LARGE1: variants seen among roughly 807,000 people sequenced by gnomAD.
LARGE1 encodes LARGE xylosyl- and glucuronyltransferase 1.
Under a neutral mutation model 87.6 loss-of-function variants are expected in LARGE1, and 43 were observed. The observed-to-expected ratio is 0.49, with a 90% CI of 0.38 to 0.63. The LOEUF is 0.63. LARGE1 is among the 30% of genes least tolerant of loss of function. The pLI is 0.00. For synonymous variants in LARGE1, 434 were observed against 394.6 expected, an observed-to-expected ratio of 1.10 and a Z score of -1.18; for missense variants, 802 against 1,000.2, an observed-to-expected ratio of 0.80 and a Z score of 2.67.
intron 6 of LARGE1, among the ~76,000 whole-genome samples, chr22:33,543,378 GA>G (rs2077266496): frequency 6.6e-6 from 1 of 152,274 alleles, no homozygotes; most frequent in Non-Finnish European, 1.5e-5. Context: ...ATAGGCTGCA[GA>G]TACCACCTTT....
At chr22:33,840,722 GCACAGTGGCGTGA>G (rs1444073751) in intron 1 of LARGE1, among the ~76,000 whole-genome samples, 11 of 151,884 alleles carry the variant, frequency 7.2e-5, no homozygotes, top group Admixed American at 7.2e-4. Flanking sequence ...CCAGGCTGGA[GCACAGTGGCGTGA>G]TCACGGCTCA....
chr22:33,257,908 A>G (rs1207127200), intron 11 of LARGE1, among the ~76,000 whole-genome samples: 5 of 152,198 alleles, frequency 3.3e-5, no homozygotes, highest in African/African-American at 1.2e-4. Flanking sequence ...GTAGTCATCA[A>G]ACAAATCACT....
intron 7 of LARGE1, among the ~76,000 whole-genome samples, chr22:33,399,618 G>A (rs560550244): frequency 2.6e-5 from 4 of 152,096 alleles, no homozygotes; most frequent in East Asian, 3.9e-4. Flanking sequence ...GTGCGATCTC[G>A]GCTCACTGCA....
chr22:33,215,351 T>C (rs1925153341), intron 11 of LARGE1, among the ~76,000 whole-genome samples: 1 of 152,320 alleles, frequency 6.6e-6, no homozygotes, highest in South Asian at 2.1e-4. Flanking sequence ...AGCATCACTT[T>C]ATGTTTATAG....
chr22:33,104,372 T>C, the LARGE1 span, among the ~76,000 whole-genome samples: 1 of 152,196 alleles, frequency 6.6e-6, no homozygotes, highest in East Asian at 1.9e-4. Context: ...AAAGTATTAC[T>C]AGTCACACAG....
chr22:33,119,847 T>G, the LARGE1 span, among the ~76,000 whole-genome samples: 30 of 152,302 alleles, frequency 2.0e-4, no homozygotes, highest in East Asian at 5.4e-3. Flanking sequence ...GGTATTTTTT[T>G]CAGTTGTGGC....
At chr22:33,342,560 A>C (rs1404540293) in intron 9 of LARGE1, among the ~76,000 whole-genome samples, 1 of 152,160 alleles carries the variant, frequency 6.6e-6, no homozygotes, top group East Asian at 1.9e-4. Context: ...CTAGTCCTAA[A>C]GGGCTGAGCA....
chr22:33,082,453 A>G, the LARGE1 span, among the ~76,000 whole-genome samples: 1,881 of 152,326 alleles, frequency 0.012, 20 homozygotes, highest in Non-Finnish European at 0.019. Flanking sequence ...CTGGCTGGAA[A>G]GGAGGTGTGA....
At chr22:33,883,723 TC>T (rs1408994291) in intron 1 of LARGE1, among the ~76,000 whole-genome samples, 1 of 152,216 alleles carries the variant, frequency 6.6e-6, no homozygotes, top group Admixed American at 6.5e-5. Context: ...CTCGGCTCTT[TC>T]CCCAGAAAGC....
chr22:33,543,517 G>A (rs551665321), intron 6 of LARGE1, among the ~76,000 whole-genome samples: 23 of 152,162 alleles, frequency 1.5e-4, no homozygotes, highest in Non-Finnish European at 2.2e-4. Flanking sequence ...TCAATAAGGA[G>A]GCTCTGACAA....
chr22:33,817,679 A>G (rs2086695888), intron 1 of LARGE1, among the ~76,000 whole-genome samples: 2 of 152,090 alleles, frequency 1.3e-5, no homozygotes, highest in South Asian at 4.2e-4. Context: ...GGGCAGGGAA[A>G]CTCATGCTGG....
chr22:33,572,988 C>G (rs2078251354), intron 5 of LARGE1, among the ~76,000 whole-genome samples: 1 of 152,156 alleles, frequency 6.6e-6, no homozygotes, highest in Non-Finnish European at 1.5e-5. Flanking sequence ...TCTGGGCAAG[C>G]AGTTAAACCT....
At position 33,432,314 on chromosome 22, in the gene LARGE1, T is replaced by C. The variant is rs900437839; in HGVS notation, c.788-49A>G. ...CATCTTAAAAGGAGAAGCCAAGCCA[T>C]CTGGATCAGTGACTATTGAAGACAC... is the stretch of plus-strand genomic sequence containing the variant. On this transcript the variant is annotated intron_variant, in intron 6 of 14. Coordinates refer to ENST00000397394, the MANE Select transcript of LARGE1 (RefSeq NM_133642.5). 3.6e-6 allele frequency: 5 copies of C among 1,375,250 alleles called. No homozygotes were observed. In the Admixed American group the frequency reaches 5.1e-5, roughly 14 times the overall value. 85.2% of individuals were successfully genotyped at this position (1,375,250 alleles called of 1,614,324 possible). A position where few individuals can be genotyped will look rare whatever the true frequency, so the allele number is the denominator to read the frequency against.
intron 6 of LARGE1, among the ~76,000 whole-genome samples, chr22:33,446,715 G>T (rs2067699338): frequency 6.6e-6 from 1 of 152,160 alleles, no homozygotes; most frequent in African/African-American, 2.4e-5. Flanking sequence ...GCCAGAGTAA[G>T]GGGATTTCTC....
intron 2 of LARGE1, among the ~76,000 whole-genome samples, chr22:33,711,089 A>G (rs2082718328): frequency 6.6e-6 from 1 of 152,148 alleles, no homozygotes; most frequent in Admixed American, 6.5e-5. Flanking sequence ...TTATAGGAGC[A>G]GTTGTAGGGT....
At chr22:33,194,090 T>C (rs988152863) in intron 11 of LARGE1, among the ~76,000 whole-genome samples, 3 of 151,776 alleles carry the variant, frequency 2.0e-5, no homozygotes, top group African/African-American at 7.3e-5. Flanking sequence ...CATAAATTTT[T>C]ATACTTACTT....
At chr22:33,643,654 A>G (rs1200266157) in intron 3 of LARGE1, among the ~76,000 whole-genome samples, 1 of 152,192 alleles carries the variant, frequency 6.6e-6, no homozygotes, top group Non-Finnish European at 1.5e-5. Flanking sequence ...AACAAAATAT[A>G]TAGGCCACTA....
intron 2 of LARGE1, among the ~76,000 whole-genome samples, chr22:33,690,605 G>C (rs1323510254): frequency 6.6e-6 from 1 of 151,884 alleles, no homozygotes; most frequent in African/African-American, 2.4e-5. Context: ...AAAAGAAAGG[G>C]AGAAGGACCT....
intron 10 of LARGE1, among the ~76,000 whole-genome samples, chr22:33,327,627 T>C (rs756887134): frequency 2.6e-5 from 4 of 152,144 alleles, no homozygotes; most frequent in Non-Finnish European, 4.4e-5. Flanking sequence ...GCCGTCTCGA[T>C]TCACTGCAGC....
Sources: allele counts gnomAD v4.1 joint callset (sites outside exome capture counted in the v4.1 genomes callset), GRCh38; gene constraint gnomAD v4.1.1; transcripts MANE v1.5; gene names NCBI Gene and HGNC (gene_info 2026-07-23, HGNC 2026-07-21).